Variants in CPS1 observed in about 807,000 individuals in gnomAD.
CPS1 encodes the protein carbamoyl-phosphate synthase 1.
A neutral mutation model predicts 174.6 loss-of-function variants in CPS1; 109 were observed. The observed-to-expected ratio is 0.62, with a 90% CI of 0.53 to 0.73. The LOEUF is 0.73. CPS1 is among the 30% of genes least tolerant of loss of function. The pLI is 0.00. For missense variants in CPS1, 1,689 were observed against 1,821.9 expected (o/e 0.93, Z 1.33); for synonymous variants, 637 against 632.0 (o/e 1.01, Z -0.12).
At position 210,647,914 on chromosome 2, in the gene CPS1, G is replaced by T; in HGVS notation, c.3193G>T (p.Ala1065Ser). 1 of 1,614,032 alleles carries T rather than the reference G, an allele frequency of 6.2e-7. No homozygotes were observed. Among genetic ancestry groups the T allele is most frequent in the Non-Finnish European group, 8.5e-7 (1 of 1,179,960 alleles). The change falls in exon 26 of 38, where the codon GCA becomes TCA. Residue 1065 changes from alanine to serine, a missense_variant. Coordinates refer to ENST00000233072, the MANE Select transcript of CPS1 (RefSeq NM_001875.5). ...SVGGQIPNNLAVPLYKNGVKI... is the reference protein window; with the variant it reads ...SVGGQIPNNLSVPLYKNGVKI... ...TGGAGGCCAGATTCCAAACAACCTG[G>T]CAGTTCCTCTATACAAGAATGGTGT... is the stretch of plus-strand genomic sequence containing the variant.
intron 1 of CPS1, among the ~76,000 whole-genome samples, chr2:210,479,333 T>C (rs1226820891): frequency 6.7e-6 from 1 of 149,360 alleles, no homozygotes; most frequent in East Asian, 2.0e-4. Context: ...TTCTTTCTTT[T>C]TTTTTTTTTT....
chr2:210,509,445 G>A (rs1695389894), intron 1 of CPS1, among the ~76,000 whole-genome samples: 3 of 152,136 alleles, frequency 2.0e-5, no homozygotes, highest in Non-Finnish European at 2.9e-5. Flanking sequence ...GCAAAAACTG[G>A]AAGCATTCCC....
rs543549375 is a variant in CPS1 at position 210,512,024 on chromosome 2, A to T, written c.3+34258A>T. ...CTCCTGATATTTCCTTACCACCCACAGGCAGCTCAAGTTGGACATCATTAA... is the reference window on the plus strand; with the variant it reads ...CTCCTGATATTTCCTTACCACCCACTGGCAGCTCAAGTTGGACATCATTAA... On this transcript the variant is annotated intron_variant, in intron 1 of 38. Transcript: ENST00000430249. Among the ~76,000 whole-genome samples, 43 of 152,130 alleles carry T rather than the reference A, an allele frequency of 2.8e-4. 2 individuals are homozygous for T. The highest frequency in any genetic ancestry group is 2.1e-3 in the South Asian group (10 of 4,824).
intron 1 of CPS1, among the ~76,000 whole-genome samples, chr2:210,565,899 GT>G (rs1405618488): frequency 1.3e-5 from 2 of 152,306 alleles, no homozygotes; most frequent in East Asian, 3.9e-4. Flanking sequence ...CTGAGATGAT[GT>G]TTGGGGAGCA....
At chr2:210,610,058 A>G (rs935212920) in intron 19 of CPS1, among the ~76,000 whole-genome samples, 3 of 151,952 alleles carry the variant, frequency 2.0e-5, no homozygotes, top group African/African-American at 7.2e-5. Flanking sequence ...TCTCCATTAT[A>G]GTTGTTTTAA....
At chr2:210,507,716 G>C (rs551292681) in intron 1 of CPS1, among the ~76,000 whole-genome samples, 2 of 151,572 alleles carry the variant, frequency 1.3e-5, no homozygotes, top group African/African-American at 4.8e-5. Flanking sequence ...AAAAAAGGCA[G>C]GGGTTGCAAT....
intron 17 of CPS1, among the ~76,000 whole-genome samples, chr2:210,605,532 A>G (rs1559101914): frequency 6.6e-6 from 1 of 151,916 alleles, no homozygotes; most frequent in Non-Finnish European, 1.5e-5. Flanking sequence ...CTTAGTGTTG[A>G]GAAATAAGAA....
chr2:210,636,478 A>G (rs2371006), intron 21 of CPS1, among the ~76,000 whole-genome samples: 59,443 of 151,458 alleles, frequency 0.39, 12,467 homozygotes, highest in Middle Eastern at 0.49. Flanking sequence ...TTTCATAAAT[A>G]TTTATTGAAT....
At chr2:210,612,976 T>C (rs1699180733) in intron 20 of CPS1, among the ~76,000 whole-genome samples, 1 of 152,012 alleles carries the variant, frequency 6.6e-6, no homozygotes. Flanking sequence ...AAAGGTGACT[T>C]GGGCAGCTGG....
At chr2:210,669,899 C>T (rs1701239819) in intron 34 of CPS1, among the ~76,000 whole-genome samples, 1 of 152,114 alleles carries the variant, frequency 6.6e-6, no homozygotes, top group African/African-American at 2.4e-5. Context: ...TTTTAAAATG[C>T]CACTTTAAGA....
intron 1 of CPS1, among the ~76,000 whole-genome samples, chr2:210,517,361 C>T (rs1345758992): frequency 6.6e-6 from 1 of 152,006 alleles, no homozygotes; most frequent in Non-Finnish European, 1.5e-5. Context: ...ACGGCGTGCT[C>T]ATGACTTATT....
chr2:210,552,066 A>G (rs932563463), upstream of CPS1, among the ~76,000 whole-genome samples: 3 of 151,980 alleles, frequency 2.0e-5, no homozygotes, highest in South Asian at 2.1e-4. Context: ...GTTCCTTGTT[A>G]TGATACTAAG....
intron 4 of CPS1, among the ~76,000 whole-genome samples, chr2:210,578,925 C>T (rs567239229): frequency 7.2e-5 from 11 of 152,186 alleles, no homozygotes; most frequent in South Asian, 2.1e-4. Flanking sequence ...GCCTAACCAA[C>T]GGCTTGTAAG....
intron 1 of CPS1, among the ~76,000 whole-genome samples, chr2:210,529,838 C>T (rs1056891786): frequency 8.6e-5 from 13 of 151,964 alleles, no homozygotes; most frequent in African/African-American, 3.1e-4. Context: ...ATTGCCCATT[C>T]ATTGCTCCAT....
chr2:210,561,181 A>G lies in CPS1; in HGVS notation c.126+4322A>G, dbSNP rs943421642. 3.3e-5 allele frequency among the ~76,000 whole-genome samples: 5 copies of G among 152,274 alleles called. No individual in the cohort carries two copies. In the South Asian group the frequency reaches 1.0e-3, roughly 32 times the overall value. Reference sequence around the variant, plus strand: ...GACATAAAACTCTTGAAAAAACTATAGTTTAAATGTCCTAGACTAGGTTAA... The same window carrying G: ...GACATAAAACTCTTGAAAAAACTATGGTTTAAATGTCCTAGACTAGGTTAA... On this transcript the variant is annotated intron_variant, in intron 1 of 37. Transcript: ENST00000233072.
rs1254164566 is a variant in CPS1, at chr2:210,576,210, G to A, written c.237-136G>A. 8.0e-6 allele frequency: 8 copies of A among 996,980 alleles called. No homozygotes were observed. In the East Asian group the frequency reaches 1.7e-4, roughly 21 times the overall value. The allele number at this position is 996,980 out of a possible 1,614,324, so 61.8% of individuals were successfully genotyped here. On this transcript the variant is annotated intron_variant, in intron 2 of 37. Coordinates refer to ENST00000233072, the MANE Select transcript of CPS1 (RefSeq NM_001875.5). Reference sequence around the variant, plus strand: ...ATATTCTGTCATAACATTTCCCCAGGTACGTTAAAATCTAGAGACATTCTT... The same window carrying A: ...ATATTCTGTCATAACATTTCCCCAGATACGTTAAAATCTAGAGACATTCTT...
chr2:210,676,198 A>G (rs1387829120), intron 36 of CPS1, among the ~76,000 whole-genome samples: 1 of 152,232 alleles, frequency 6.6e-6, no homozygotes. Flanking sequence ...AAGGTTGTGC[A>G]TAATAAATCA....
chr2:210,612,274 G>A lies in CPS1; in HGVS notation c.2549G>A (p.Arg850His), dbSNP rs767694281. The change falls in exon 20 of 38, where the codon CGT becomes CAT. Residue 850 changes from arginine (R) to histidine (H), a missense_variant. By Grantham distance (29) the Arg-to-His change is conservative. Transcript: ENST00000233072. ...RKELSEPSSTRIYAIAKAIDD... is the reference protein window; with the variant it reads ...RKELSEPSSTHIYAIAKAIDD... The stretch of plus-strand genomic sequence containing the variant: ...GAGTTGTCTGAACCAAGCAGCACGC[G>A]TATCTATGCCATTGCCAAGGTAAGA... The A allele has an allele frequency of 8.1e-6, 13 of 1,611,774 alleles. No homozygotes were observed. The highest frequency in any genetic ancestry group is 2.2e-5 in the East Asian group (1 of 44,746).
At chr2:210,557,172 G>T (rs1188453993) in intron 1 of CPS1, among the ~76,000 whole-genome samples, 2 of 151,970 alleles carry the variant, frequency 1.3e-5, no homozygotes, top group East Asian at 1.9e-4. Flanking sequence ...AGATACTATT[G>T]CTTACAGTTT....
Sources: allele counts gnomAD v4.1 joint callset (sites outside exome capture counted in the v4.1 genomes callset), GRCh38; gene constraint gnomAD v4.1.1; transcripts MANE v1.5; gene names NCBI Gene and HGNC (gene_info 2026-07-23, HGNC 2026-07-21).